EIF3D: variants seen among roughly 807,000 people sequenced by gnomAD.
EIF3D encodes eukaryotic translation initiation factor 3 subunit D, also known as eIF3 p66.
In EIF3D, 10 loss-of-function variants were observed where a neutral mutation model predicts 75.4. That is an observed-to-expected ratio of 0.13 (90% CI 0.08 to 0.22). EIF3D has a LOEUF of 0.22. Among genes scored for constraint, EIF3D ranks in the 10% least tolerant of loss-of-function variants. EIF3D has a pLI of 1.00. For missense variants in EIF3D, 394 were observed against 708.0 expected, an observed-to-expected ratio of 0.56 and a Z score of 5.03; for synonymous variants, 246 against 248.3, an observed-to-expected ratio of 0.99 and a Z score of 0.09.
intron 12 of EIF3D, chr22:36,516,199 G>T: frequency 3.1e-6 from 1 of 322,486 alleles, no homozygotes; most frequent in Non-Finnish European, 5.7e-6. Flanking sequence ...GAACAGAGAT[G>T]AAGAAAGTAC....
chr22:36,523,796 G>C, intron 5 of EIF3D, 99 bp downstream of exon 5: 1 of 1,124,348 alleles, frequency 8.9e-7, no homozygotes, highest in Non-Finnish European at 1.4e-6. Flanking sequence ...CTTTTTTGCA[G>C]TGGTGGGGAA....
chr22:36,525,888 T>C, intron 2 of EIF3D, 111 bp downstream of exon 2: 1 of 1,501,110 alleles, frequency 6.7e-7, no homozygotes. Flanking sequence ...TCAGCTGGCA[T>C]CCCTATAAGA....
At chr22:36,525,842 C>T in intron 2 of EIF3D, 133 bp from the exon 3 acceptor site, 1 of 1,447,046 alleles carries the variant, frequency 6.9e-7, no homozygotes, top group Non-Finnish European at 9.4e-7. Context: ...TGTAAGTGCC[C>T]AGCTCTTCTA....
Position 36,517,468 on chromosome 22 carries a change from A to G in EIF3D, c.860-37T>C, listed in dbSNP as rs1404044689. ...TGGCATGGTCACTCACCATGCAACA[A>G]AGAGTCACTGACAATGTGCGCAGCG... On this transcript the variant is annotated intron_variant, in intron 9 of 14. Coordinates refer to ENST00000216190, the MANE Select transcript of EIF3D (RefSeq NM_003753.4). 5 of 1,588,804 alleles carry G rather than the reference A, an allele frequency of 3.1e-6. No individual in the cohort carries two copies. In the East Asian group the frequency reaches 9.0e-5, roughly 29 times the overall value.
Position 36,526,035 on chromosome 22 carries a change from G to A in EIF3D, c.87C>T (p.Pro29=). ...CAVPEQFRDM[P]YQPFSKGDRL... Reference sequence around the variant, plus strand: ...GATCTCCTTTGCTGAACGGCTGGTAGGGCATATCCCGAAACTGCTCGGGAA... The same window carrying A: ...GATCTCCTTTGCTGAACGGCTGGTAAGGCATATCCCGAAACTGCTCGGGAA... The change falls in exon 2 of 15, where the codon CCC becomes CCT. Residue 29 remains proline (P), a synonymous_variant. Coordinates refer to ENST00000216190, the MANE Select transcript of EIF3D (RefSeq NM_003753.4). 1 of 1,613,406 alleles carries A rather than the reference G, an allele frequency of 6.2e-7. No homozygotes were observed. The highest frequency in any genetic ancestry group is 8.5e-7 in the Non-Finnish European group (1 of 1,179,658).
At chr22:36,525,524 C>T in intron 3 of EIF3D, 140 bp downstream of exon 3, 1 of 976,234 alleles carries the variant, frequency 1.0e-6, no homozygotes, top group Non-Finnish European at 1.6e-6. Flanking sequence ...ATTGTTAAAG[C>T]CCAGAATACA....
intron 8 of EIF3D, 36 bp downstream of exon 8, chr22:36,519,369 C>T: frequency 6.2e-7 from 1 of 1,611,974 alleles, no homozygotes; most frequent in Non-Finnish European, 8.5e-7. Context: ...GACAGCATTC[C>T]TAACAAGGGG....
In EIF3D at chr22:36,523,298, A is replaced by G. The variant is rs771590275; in HGVS notation, c.393-17T>C. The G allele has an allele frequency of 6.2e-7, 1 of 1,608,088 alleles. No homozygotes were observed. Among genetic ancestry groups the G allele is most frequent in the Non-Finnish European group, 8.5e-7 (1 of 1,175,652 alleles). Reference sequence around the variant, plus strand: ...ATGCGTTCTCTGGAAAGACAGACATATGATCTCAGTGCAGACCTTTAAACC... The same window carrying G: ...ATGCGTTCTCTGGAAAGACAGACATGTGATCTCAGTGCAGACCTTTAAACC... On this transcript the variant is annotated splice_polypyrimidine_tract_variant and intron_variant, in intron 5 of 14. Coordinates refer to ENST00000216190, the MANE Select transcript of EIF3D (RefSeq NM_003753.4).
chr22:36,511,022 A>G, intron 14 of EIF3D, 22 bp from the exon 15 acceptor site: 1 of 1,607,022 alleles, frequency 6.2e-7, no homozygotes. Context: ...AAAAAATGTA[A>G]GAGAAATGAG....
At chr22:36,515,487 C>T (rs1464146001) in intron 12 of EIF3D, among the ~76,000 whole-genome samples, 1 of 152,068 alleles carries the variant, frequency 6.6e-6, no homozygotes, top group Non-Finnish European at 1.5e-5. Flanking sequence ...GAGATCGCAC[C>T]GTTGCACTCC....
chr22:36,523,398 T>C (rs917274756), intron 5 of EIF3D, 117 bp from the exon 6 acceptor site: 2 of 801,648 alleles, frequency 2.5e-6, no homozygotes, highest in Non-Finnish European at 4.1e-6. Context: ...TCCTTTAAAC[T>C]ACGAAAAATG....
intron 1 of EIF3D, chr22:36,528,600 T>TGGGG (rs1934645390): frequency 7.8e-6 from 1 of 128,542 alleles, no homozygotes; most frequent in African/African-American, 4.3e-5. Flanking sequence ...GAACAGGGGG[T>TGGGG]GGGGTAGATT....
At chr22:36,528,180 A>T (rs1190450095) in intron 1 of EIF3D, among the ~76,000 whole-genome samples, 2 of 152,038 alleles carry the variant, frequency 1.3e-5, no homozygotes, top group African/African-American at 4.8e-5. Context: ...TTCAAAACAG[A>T]TTTGATTTCC....
At position 36,526,613 on chromosome 22, in the gene EIF3D, C is replaced by CTTTTT. The variant is rs542035473; in HGVS notation, c.-10-487_-10-483dup. On this transcript the variant is annotated intron_variant, in intron 1 of 14. Transcript: ENST00000216190. ...AGACTTAGTAGTCTTTTCTTTCTTTCTTTTTTTTTTTTGAGACAGAGTCTC... is the reference window on the plus strand; with the variant it reads ...AGACTTAGTAGTCTTTTCTTTCTTTCTTTTTTTTTTTTTTTTTGAGACAGAGTCTC... Among the ~76,000 whole-genome samples, 499 of 145,762 alleles carry CTTTTT rather than the reference C, an allele frequency of 3.4e-3. 4 individuals are homozygous for CTTTTT. The highest frequency in any genetic ancestry group is 0.012 in the African/African-American group (467 of 39,674).
At chr22:36,511,201 T>C (rs1863706330) in intron 14 of EIF3D, 1 of 821,416 alleles carries the variant, frequency 1.2e-6, no homozygotes, top group Non-Finnish European at 1.8e-6. Flanking sequence ...TTTCAGGCTA[T>C]TTAACCCGGA....
At chr22:36,519,672 A>G in intron 7 of EIF3D, 135 bp from the exon 8 acceptor site, 1 of 1,225,960 alleles carries the variant, frequency 8.2e-7, no homozygotes, top group East Asian at 2.5e-5. Flanking sequence ...AGCAGGAGAG[A>G]CGAATCCTCA....
intron 4 of EIF3D, 53 bp downstream of exon 4, chr22:36,524,543 G>T (rs750352188): frequency 6.2e-7 from 1 of 1,608,656 alleles, no homozygotes; most frequent in Non-Finnish European, 8.5e-7. Context: ...TTTAGCAGGT[G>T]ATGGCCAACA....
intron 9 of EIF3D, 185 bp from the exon 10 acceptor site, chr22:36,517,616 A>G (rs1934448765): frequency 1.8e-6 from 1 of 544,676 alleles, no homozygotes; most frequent in East Asian, 3.6e-5. Flanking sequence ...GCTCCAGGAT[A>G]ACTCAAGATA....
chr22:36,523,757 G>C, intron 5 of EIF3D, 138 bp downstream of exon 5: 1 of 797,046 alleles, frequency 1.3e-6, no homozygotes, highest in Non-Finnish European at 2.1e-6. Flanking sequence ...AGCTAAAAGG[G>C]GGCTTAACTG....
Sources: gnomAD v4.1 joint callset for allele counts (sites outside exome capture counted in the v4.1 genomes callset) on GRCh38, gnomAD v4.1.1 for gene constraint, MANE v1.5 for transcripts, NCBI Gene and HGNC (gene_info 2026-07-23, HGNC 2026-07-21) for gene names.